The following LPCAT1 variants were observed in gnomAD, a reference collection of about 807,000 sequenced individuals.
LPCAT1 encodes the protein lysophosphatidylcholine acyltransferase 1, also known as 1-acylglycerol-3-phosphate O-acyltransferase.
Under a neutral mutation model 60.9 loss-of-function variants are expected in LPCAT1, and 23 were observed. That is an observed-to-expected ratio of 0.38 (90% confidence interval 0.27 to 0.53). The LOEUF (loss-of-function observed/expected upper bound fraction) is 0.53. Among genes scored for constraint, LPCAT1 ranks in the 20% least tolerant of loss-of-function variants. The pLI is 0.82. For missense variants in LPCAT1, 622 were observed against 723.6 expected (o/e 0.86, Z 1.61); for synonymous variants, 340 against 301.1 (o/e 1.13, Z -1.34).
At chr5:1,515,745 G>A (rs1178609481) in intron 1 of LPCAT1, among the ~76,000 whole-genome samples, 4 of 151,652 alleles carry the variant, frequency 2.6e-5, no homozygotes, top group Admixed American at 6.5e-5. Context: ...GGGGCCCCCC[G>A]GAACATCCTG....
In LPCAT1 at chr5:1,474,538, GGAA is replaced by G. The variant is rs746759089; in HGVS notation, c.1025+19_1025+21del. 34 of 1,612,846 alleles carry G rather than the reference GGAA, an allele frequency of 2.1e-5. No individual in the cohort carries two copies. The highest frequency in any genetic ancestry group is 2.7e-5 in the Non-Finnish European group (32 of 1,179,398). On this transcript the variant is annotated intron_variant, in intron 10 of 13. Coordinates refer to ENST00000283415, the MANE Select transcript of LPCAT1 (RefSeq NM_024830.5). ...ATCACGGGTTCTAGCTAATGCTCAA[GGAA>G]GAAGAACCAGGTACTCACCCGAGGC...
intron 8 of LPCAT1, among the ~76,000 whole-genome samples, chr5:1,478,555 G>T (rs1579770149): frequency 1.3e-5 from 2 of 152,158 alleles, no homozygotes. Flanking sequence ...GCACCCTCCC[G>T]GCCACTGCCC....
At position 1,462,772 on chromosome 5, in the gene LPCAT1, G is replaced by C. The variant is rs919339603; in HGVS notation, c.*879C>G. On this transcript the variant is annotated 3_prime_UTR_variant, in exon 14 of 14. Coordinates refer to ENST00000283415, the MANE Select transcript of LPCAT1 (RefSeq NM_024830.5). ...TTGAACAATATCCAACCTCGGACTG[G>C]AGTTTAGGCTACAGTGAAATGGATT... 3.9e-5 allele frequency: 6 copies of C among 152,222 alleles called. No homozygotes were observed. Among genetic ancestry groups the C allele is most frequent in the African/African-American group, 1.2e-4 (5 of 41,454 alleles). 9.4% of individuals were successfully genotyped at this position (152,222 alleles called of 1,614,324 possible). A position where few individuals can be genotyped will look rare whatever the true frequency, so the allele number is the denominator to read the frequency against.
intron 5 of LPCAT1, among the ~76,000 whole-genome samples, chr5:1,488,054 G>C (rs991058933): frequency 3.3e-5 from 5 of 152,136 alleles, no homozygotes; most frequent in Non-Finnish European, 7.4e-5. Context: ...GTGAGCTGCA[G>C]GCCAAGAAGG....
At position 1,479,666 on chromosome 5, in the gene LPCAT1, G is replaced by T. The variant is rs747903920; in HGVS notation, c.771C>A (p.Ile257=). The part of the protein sequence containing the change: ...WTWQGPGALE[I]LWLTLCQFHN... The stretch of plus-strand genomic sequence containing the variant: ...GAAACTGACACAGCGTGAGCCACAG[G>T]ATTTCCAGCCTTAAAAACAGATTGC... Residue 257 remains isoleucine (I), a synonymous_variant, in exon 8 of 14, where the codon ATC becomes ATA. Coordinates refer to ENST00000283415, the MANE Select transcript of LPCAT1 (RefSeq NM_024830.5). 1 of 1,611,790 alleles carries T rather than the reference G, an allele frequency of 6.2e-7. No homozygotes were observed. The highest frequency in any genetic ancestry group is 2.2e-5 in the East Asian group (1 of 44,860).
chr5:1,510,220 C>G (rs1736314368), intron 1 of LPCAT1, among the ~76,000 whole-genome samples: 1 of 152,226 alleles, frequency 6.6e-6, no homozygotes, highest in African/African-American at 2.4e-5. Context: ...AGGAACCCCT[C>G]TCCCCCACAG....
chr5:1,465,201 ACTAAACAC>A (rs1237598769), intron 13 of LPCAT1, among the ~76,000 whole-genome samples: 4 of 143,152 alleles, frequency 2.8e-5, no homozygotes, highest in African/African-American at 1.1e-4. Context: ...GCACACAGTA[ACTAAACAC>A]ACATGCGTGC....
Position 1,470,936 on chromosome 5 carries a change from G to A in LPCAT1, c.1180-12C>T. 6.2e-7 allele frequency: 1 copy of A among 1,609,908 alleles called. No individual in the cohort carries two copies. The highest frequency in any genetic ancestry group is 8.5e-7 in the Non-Finnish European group (1 of 1,178,012). ...TCGCCGCTGCCGCTCTGTGGGGAGA[G>A]ACGCTCTCAGCCACAGCTCGGCCGC... On this transcript the variant is annotated splice_polypyrimidine_tract_variant and intron_variant, in intron 11 of 13. Coordinates refer to ENST00000283415, the MANE Select transcript of LPCAT1 (RefSeq NM_024830.5).
rs1736008001 is a variant in LPCAT1, at chr5:1,501,548, A to G, written c.191T>C (p.Met64Thr). ...FPVRLLVAAA[M>T]MLLAWPLALV... ...TGCGAGGGGCCAGGCCAGCAGCATC[A>G]TGGCAGCGGCAACCAGGAGCCGGAC... The change falls in exon 2 of 14, where the codon ATG becomes ACG. Residue 64 changes from methionine (M) to threonine (T), a missense_variant. By Grantham distance (81) the Met-to-Thr change is moderately conservative (BLOSUM62 -1). Around this residue, in one of 3 missense-constraint regions of LPCAT1, gnomAD observed 125 missense variants for 114.5 expected, o/e 1.09. Transcript: ENST00000283415. 1.9e-6 allele frequency: 3 copies of G among 1,614,012 alleles called. No homozygotes were observed. The African/African-American group carries it at 4.0e-5, about 22-fold the overall frequency.
At chr5:1,464,420 GGGCCACCC>G (rs1734239054) in intron 13 of LPCAT1, among the ~76,000 whole-genome samples, 1 of 152,196 alleles carries the variant, frequency 6.6e-6, no homozygotes, top group Non-Finnish European at 1.5e-5. Context: ...CTCAGAACCT[GGGCCACCC>G]GGCGAGAAAT....
At position 1,495,353 on chromosome 5, in the gene LPCAT1, G is replaced by C. The variant is rs1315282621; in HGVS notation, c.279-439C>G. The stretch of plus-strand genomic sequence containing the variant: ...TATGGGGGGGGGGGCGCTCAGAGCT[G>C]AGGGCGGAAGCTGAGACCTGCGTGC... On this transcript the variant is annotated intron_variant, in intron 2 of 13. Coordinates refer to ENST00000283415, the MANE Select transcript of LPCAT1 (RefSeq NM_024830.5). The surrounding 1 kb of genome is among the most constrained non-coding windows in gnomAD (Gnocchi z 4.7). 6.6e-6 allele frequency among the ~76,000 whole-genome samples: 1 copy of C among 151,522 alleles called. No individual in the cohort carries two copies. The highest frequency in any genetic ancestry group is 1.9e-4 in the East Asian group (1 of 5,178).
At chr5:1,515,006 C>T (rs1736463141) in intron 1 of LPCAT1, among the ~76,000 whole-genome samples, 1 of 152,182 alleles carries the variant, frequency 6.6e-6, no homozygotes, top group Non-Finnish European at 1.5e-5. Flanking sequence ...CAAACATCTG[C>T]AGAAAGCCAG....
chr5:1,498,059 A>G lies in LPCAT1; in HGVS notation c.279-3145T>C, dbSNP rs1050869769. On this transcript the variant is annotated intron_variant, in intron 2 of 13. Transcript: ENST00000283415. ...CTTTCACTGAAAGCCTAAGATTTTT[A>G]TTTTAGGAAGGTTTGAATGACACTA... Among the ~76,000 whole-genome samples, 3 of 152,186 alleles carry G rather than the reference A, an allele frequency of 2.0e-5. 1 individual carries two copies. Among genetic ancestry groups the G allele is most frequent in the African/African-American group, 7.2e-5 (3 of 41,450 alleles).
intron 3 of LPCAT1, among the ~76,000 whole-genome samples, chr5:1,492,939 G>A (rs1055474305): frequency 2.0e-5 from 3 of 152,242 alleles, no homozygotes; most frequent in Admixed American, 6.5e-5. Context: ...GATGACGAAC[G>A]ACCATGGGCC....
chr5:1,483,557 C>T lies in LPCAT1; in HGVS notation c.668-71G>A. The T allele has an allele frequency of 6.6e-7, 1 of 1,517,066 alleles. No individual in the cohort carries two copies. Among genetic ancestry groups the T allele is most frequent in the East Asian group, 2.3e-5 (1 of 44,310 alleles). 94.0% of individuals were successfully genotyped at this position (1,517,066 alleles called of 1,614,324 possible). Reference sequence around the variant, plus strand: ...GACAGCGTCTGCTGCGTTTCTCATGCTGCCCTTGGGATAAAAGTGAGCTTT... The same window carrying T: ...GACAGCGTCTGCTGCGTTTCTCATGTTGCCCTTGGGATAAAAGTGAGCTTT... On this transcript the variant is annotated intron_variant, in intron 5 of 13. Coordinates refer to ENST00000283415, the MANE Select transcript of LPCAT1 (RefSeq NM_024830.5). The surrounding 1 kb of genome is among the most constrained non-coding windows in gnomAD (Gnocchi z 9.2).
chr5:1,468,253 A>C (rs1390986404), intron 12 of LPCAT1, among the ~76,000 whole-genome samples: 1 of 152,164 alleles, frequency 6.6e-6, no homozygotes, highest in African/African-American at 2.4e-5. Context: ...GCGCTGCCGC[A>C]CGCGGCCACC....
rs1349048820 is a variant in LPCAT1, at chr5:1,462,030, T to TA, written c.*1620dup. On this transcript the variant is annotated 3_prime_UTR_variant, in exon 14 of 14. Coordinates refer to ENST00000283415, the MANE Select transcript of LPCAT1 (RefSeq NM_024830.5). Reference sequence around the variant, plus strand: ...TCTGTCCTGCTGGCAGTGTCCATGCTAAAAAACAAGTCGAGGTGATTGATT... The same window carrying TA: ...TCTGTCCTGCTGGCAGTGTCCATGCTAAAAAAACAAGTCGAGGTGATTGATT... 1 of 152,434 alleles carries TA rather than the reference T, an allele frequency of 6.6e-6. No individual in the cohort carries two copies. The highest frequency in any genetic ancestry group is 2.4e-5 in the African/African-American group (1 of 41,456). The allele number at this position is 152,434 out of a possible 1,614,324, so 9.4% of individuals were successfully genotyped here. A position where few individuals can be genotyped will look rare whatever the true frequency, so the allele number is the denominator to read the frequency against.
rs1736036669 is a variant in LPCAT1 at position 1,502,064 on chromosome 5, G to T, written c.136-461C>A. On this transcript the variant is annotated intron_variant, in intron 1 of 13. Coordinates refer to ENST00000283415, the MANE Select transcript of LPCAT1 (RefSeq NM_024830.5). The surrounding 1 kb of genome is among the most constrained non-coding windows in gnomAD (Gnocchi z 5.5). ...GCTGATGCCGACCAGCCCTCACCATGGCTGTGGACACTGGCCAGTGCTAAC... is the reference window on the plus strand; with the variant it reads ...GCTGATGCCGACCAGCCCTCACCATTGCTGTGGACACTGGCCAGTGCTAAC... 6.6e-6 allele frequency among the ~76,000 whole-genome samples: 1 copy of T among 152,234 alleles called. No individual in the cohort carries two copies. Among genetic ancestry groups the T allele is most frequent in the Admixed American group, 6.5e-5 (1 of 15,284 alleles).
chr5:1,509,444 C>A (rs1736288315), intron 1 of LPCAT1, among the ~76,000 whole-genome samples: 1 of 152,236 alleles, frequency 6.6e-6, no homozygotes, highest in Non-Finnish European at 1.5e-5. Flanking sequence ...TGTCCAAGGT[C>A]TAATTTTCTT....
Sources: gnomAD v4.1 joint callset for allele counts (sites outside exome capture counted in the v4.1 genomes callset) on GRCh38, gnomAD v4.1.1 for gene constraint, gnomAD v4.1.1 regional missense constraint, Gnocchi (gnomAD v3.1) non-coding constraint, MANE v1.5 for transcripts, NCBI Gene and HGNC (gene_info 2026-07-23, HGNC 2026-07-21) for gene names.